The following NPIPA1 variants were observed in gnomAD, a reference collection of about 807,000 sequenced individuals.
NPIPA1 encodes the protein nuclear pore complex interacting protein family member A1.
For missense variants in NPIPA1, 22 were observed against 232.2 expected, an observed-to-expected ratio of 0.09 and a Z score of 5.88; for synonymous variants, 7 against 88.0, an observed-to-expected ratio of 0.08 and a Z score of 5.15.
At chr16:14,945,142 C>T (rs1315678932) in intron 2 of NPIPA1, among the ~76,000 whole-genome samples, 1 of 149,338 alleles carries the variant, frequency 6.7e-6, no homozygotes, top group African/African-American at 2.5e-5. Flanking sequence ...AACTCCCGAC[C>T]TCAGGTGATC....
chr16:14,940,457 C>T (rs535124312), intron 1 of NPIPA1, among the ~76,000 whole-genome samples: 1 of 151,734 alleles, frequency 6.6e-6, no homozygotes, highest in Non-Finnish European at 1.5e-5. Context: ...ACCTGTATTG[C>T]CAGCACTTTG....
chr16:14,947,084 C>T (rs1965907171), intron 4 of NPIPA1, among the ~76,000 whole-genome samples: 7 of 152,198 alleles, frequency 4.6e-5, no homozygotes, highest in Admixed American at 3.9e-4. Flanking sequence ...ACCTCAGCCT[C>T]CCAGTGTGAG....
intron 1 of NPIPA1, among the ~76,000 whole-genome samples, chr16:14,940,288 G>T: frequency 7.1e-6 from 1 of 141,108 alleles, no homozygotes. Context: ...CTTATGCTGA[G>T]CTTTAAATGA....
intron 1 of NPIPA1, among the ~76,000 whole-genome samples, chr16:14,940,174 G>A (rs1235133482): frequency 4.5e-5 from 5 of 112,222 alleles, no homozygotes; most frequent in Admixed American, 1.1e-4. Context: ...GATTGCAGGC[G>A]TGAGCCACCA....
At chr16:14,945,071 C>T (rs1965849644) in intron 2 of NPIPA1, among the ~76,000 whole-genome samples, 1 of 148,956 alleles carries the variant, frequency 6.7e-6, no homozygotes, top group Non-Finnish European at 1.5e-5. Context: ...ACCACCATGC[C>T]TGGCTAATTT....
intron 2 of NPIPA1, among the ~76,000 whole-genome samples, chr16:14,943,808 C>G (rs1304815736): frequency 6.6e-6 from 1 of 151,780 alleles, no homozygotes; most frequent in East Asian, 2.0e-4. Context: ...TTTTTTTATC[C>G]TATGTGCAGA....
intron 4 of NPIPA1, among the ~76,000 whole-genome samples, chr16:14,946,474 A>G (rs1267355331): frequency 6.6e-6 from 1 of 151,210 alleles, no homozygotes; most frequent in African/African-American, 2.4e-5. Context: ...CACCCGCCTC[A>G]GCCTCCCAAA....
At chr16:14,943,793 A>ATT (rs1326298321) in intron 2 of NPIPA1, among the ~76,000 whole-genome samples, 2 of 148,968 alleles carry the variant, frequency 1.3e-5, no homozygotes, top group South Asian at 2.1e-4. Flanking sequence ...CTAGTACATG[A>ATT]TTTTTTTTTT....
At chr16:14,940,299 C>G in intron 1 of NPIPA1, among the ~76,000 whole-genome samples, 1 of 144,414 alleles carries the variant, frequency 6.9e-6, no homozygotes, top group Non-Finnish European at 1.5e-5. Context: ...CTTTAAATGA[C>G]AAAGATTCAT....
chr16:14,943,683 C>G (rs1294618389), intron 2 of NPIPA1, among the ~76,000 whole-genome samples: 1 of 149,676 alleles, frequency 6.7e-6, no homozygotes, highest in Admixed American at 6.7e-5. Context: ...TAGCTCCAAA[C>G]TGGGCCAGCT....
chr16:14,942,895 G>A (rs1391606436), intron 2 of NPIPA1, among the ~76,000 whole-genome samples: 1 of 152,278 alleles, frequency 6.6e-6, no homozygotes, highest in Non-Finnish European at 1.5e-5. Flanking sequence ...GTGGTTGTGT[G>A]GGGGCTGAAC....
chr16:14,938,760 A>G (rs1395370270), intron 1 of NPIPA1, among the ~76,000 whole-genome samples: 2 of 152,016 alleles, frequency 1.3e-5, no homozygotes, highest in Non-Finnish European at 2.9e-5. Flanking sequence ...TTTTTTTAAG[A>G]CAGAGTCTCA....
intron 1 of NPIPA1, among the ~76,000 whole-genome samples, chr16:14,940,391 T>C (rs1256738470): frequency 1.1e-4 from 17 of 152,306 alleles, no homozygotes; most frequent in African/African-American, 4.1e-4. Context: ...TATACATCAA[T>C]TTAAAAAACA....
At chr16:14,948,537 T>C (rs2151085401) in intron 4 of NPIPA1, among the ~76,000 whole-genome samples, 1 of 152,296 alleles carries the variant, frequency 6.6e-6, no homozygotes, top group African/African-American at 2.4e-5. Flanking sequence ...CTGCTTCCGA[T>C]GGAGTTAGTT....
At chr16:14,943,739 G>A (rs1475786593) in intron 2 of NPIPA1, among the ~76,000 whole-genome samples, 2 of 151,904 alleles carry the variant, frequency 1.3e-5, no homozygotes, top group Admixed American at 6.6e-5. Context: ...AGACGTGGTT[G>A]CTCTTTTCAT....
intron 2 of NPIPA1, among the ~76,000 whole-genome samples, chr16:14,944,135 A>C (rs964832345): frequency 6.6e-6 from 1 of 152,096 alleles, no homozygotes; most frequent in Non-Finnish European, 1.5e-5. Context: ...GTTGAGTGAC[A>C]CTCCGTCTCA....
chr16:14,943,855 G>T (rs1965812474), intron 2 of NPIPA1, among the ~76,000 whole-genome samples: 1 of 151,978 alleles, frequency 6.6e-6, no homozygotes. Flanking sequence ...GAATTTGAAA[G>T]ATATTATTTC....
intron 2 of NPIPA1, among the ~76,000 whole-genome samples, chr16:14,942,923 T>C (rs1965786744): frequency 6.6e-6 from 1 of 152,290 alleles, no homozygotes; most frequent in Non-Finnish European, 1.5e-5. Flanking sequence ...TGAACAATGA[T>C]CCAAGATAAA....
intron 4 of NPIPA1, among the ~76,000 whole-genome samples, chr16:14,947,307 C>A (rs1490496801): frequency 6.6e-6 from 1 of 152,140 alleles, no homozygotes; most frequent in African/African-American, 2.4e-5. Context: ...TGGGAGTCTA[C>A]TTCTGGGGGA....
Sources: allele counts gnomAD v4.1 joint callset (sites outside exome capture counted in the v4.1 genomes callset), GRCh38; gene constraint gnomAD v4.1.1; transcripts MANE v1.5; gene names NCBI Gene and HGNC (gene_info 2026-07-23, HGNC 2026-07-21).